The following CNTN6 variants were observed in gnomAD, a reference collection of about 807,000 sequenced individuals.
The protein encoded by CNTN6 is contactin 6, also known as contactin-6.
In CNTN6, 137 loss-of-function variants were observed where a neutral mutation model predicts 122.8. The ratio of observed to expected loss-of-function variants is 1.12; its 90% CI spans 0.97 to 1.29. CNTN6 has a LOEUF of 1.29. CNTN6 is among the 50% of genes most tolerant of loss of function. CNTN6 has a pLI of 0.00. For synonymous variants in CNTN6, 570 were observed against 426.0 expected, an observed-to-expected ratio of 1.34 and a Z score of -4.16; for missense variants, 1,634 against 1,223.4, an observed-to-expected ratio of 1.34 and a Z score of -5.01.
chr3:1,243,502 T>G lies in CNTN6; in HGVS notation c.358+15509T>G, dbSNP rs1246559303. On this transcript the variant is annotated intron_variant, in intron 4 of 22. Transcript: ENST00000446702. Reference sequence around the variant, plus strand: ...GTTTTATTTAATGTCGGGAGCAGATTGCGTAATAAAATGTATTTTGAGAAT... The same window carrying G: ...GTTTTATTTAATGTCGGGAGCAGATGGCGTAATAAAATGTATTTTGAGAAT... 2.6e-5 allele frequency among the ~76,000 whole-genome samples: 4 copies of G among 152,108 alleles called. No homozygotes were observed. The East Asian group carries it at 7.8e-4, about 29-fold the overall frequency.
chr3:1,168,645 G>T lies in CNTN6; in HGVS notation c.55+20582G>T, dbSNP rs139555907. Among the ~76,000 whole-genome samples, 151 of 151,978 alleles carry T rather than the reference G, an allele frequency of 9.9e-4. 1 individual carries two copies. The highest frequency in any genetic ancestry group is 3.4e-3 in the African/African-American group (141 of 41,430). On this transcript the variant is annotated intron_variant, in intron 2 of 22. Coordinates refer to ENST00000446702, the MANE Select transcript of CNTN6 (RefSeq NM_001289080.2). ...TTTTAACCTCATTTTACAGATCCCAGGTCTGGGATAAATATCAGTTAAGCC... is the reference window on the plus strand; with the variant it reads ...TTTTAACCTCATTTTACAGATCCCATGTCTGGGATAAATATCAGTTAAGCC...
At chr3:1,278,289 T>G (rs533343212) in intron 4 of CNTN6, 124 bp from the exon 5 acceptor site, 3 of 615,136 alleles carry the variant, frequency 4.9e-6, no homozygotes, top group Non-Finnish European at 8.3e-6. Context: ...GTCAACTAAG[T>G]CTTCTGGTCA....
At chr3:1,302,039 G>A (rs1485571447) in intron 7 of CNTN6, among the ~76,000 whole-genome samples, 1 of 151,968 alleles carries the variant, frequency 6.6e-6, no homozygotes, top group Non-Finnish European at 1.5e-5. Context: ...AGCATAAAAG[G>A]CGACACACTC....
chr3:1,151,969 A>C lies in CNTN6; in HGVS notation c.55+3906A>C, dbSNP rs376812580. On this transcript the variant is annotated intron_variant, in intron 2 of 22. Coordinates refer to ENST00000446702, the MANE Select transcript of CNTN6 (RefSeq NM_001289080.2). ...TTATTCTCAGCCCTGAGTTACTGAA[A>C]AATCTACATTTCTTAAAGTAGAAAA... 9.8e-4 allele frequency among the ~76,000 whole-genome samples: 149 copies of C among 152,320 alleles called. 2 individuals are homozygous for C. In the South Asian group the frequency reaches 0.03, roughly 31 times the overall value.
At chr3:1,164,881 CA>C (rs1324793075) in intron 2 of CNTN6, among the ~76,000 whole-genome samples, 5 of 152,146 alleles carry the variant, frequency 3.3e-5, no homozygotes, top group Admixed American at 6.5e-5. Context: ...ATTAAGGACT[CA>C]AGGTACATTA....
At chr3:1,236,986 T>C (rs4063469) in intron 4 of CNTN6, among the ~76,000 whole-genome samples, 93,486 of 151,462 alleles carry the variant, frequency 0.62, 29,880 homozygotes, top group African/African-American at 0.79. Flanking sequence ...AAGGCTGAGG[T>C]AGGAGAATGG....
intron 2 of CNTN6, among the ~76,000 whole-genome samples, chr3:1,172,075 G>A (rs1199958872): frequency 6.6e-6 from 1 of 152,086 alleles, no homozygotes; most frequent in African/African-American, 2.4e-5. Flanking sequence ...ATCTCCTCAT[G>A]GAGGTGACAG....
At chr3:1,175,364 A>G (rs1289356563) in intron 2 of CNTN6, among the ~76,000 whole-genome samples, 1 of 152,198 alleles carries the variant, frequency 6.6e-6, no homozygotes, top group Non-Finnish European at 1.5e-5. Context: ...CAATGATTAG[A>G]TACAGTGGAG....
chr3:1,152,147 TTTG>T (rs2092858960), intron 2 of CNTN6, among the ~76,000 whole-genome samples: 1 of 152,040 alleles, frequency 6.6e-6, no homozygotes, highest in Non-Finnish European at 1.5e-5. Flanking sequence ...TGTTTGTTTG[TTTG>T]TTTTTTGAGA....
intron 11 of CNTN6, among the ~76,000 whole-genome samples, chr3:1,344,740 A>G (rs187059923): frequency 1.3e-5 from 2 of 152,314 alleles, no homozygotes; most frequent in African/African-American, 4.8e-5. Context: ...CCAAAGTCAG[A>G]CAAAATAAAA....
At chr3:1,305,673 T>C (rs555568361) in intron 7 of CNTN6, among the ~76,000 whole-genome samples, 1 of 151,112 alleles carries the variant, frequency 6.6e-6, no homozygotes, top group Non-Finnish European at 1.5e-5. Flanking sequence ...TTCCTTTTTT[T>C]AAAAAAATCT....
intron 12 of CNTN6, among the ~76,000 whole-genome samples, chr3:1,371,338 T>C (rs1575913345): frequency 6.6e-6 from 1 of 151,816 alleles, no homozygotes; most frequent in East Asian, 1.9e-4. Flanking sequence ...AACTTCTTCA[T>C]GTATAATTTT....
chr3:1,102,542 A>G (rs2090964526), intron 1 of CNTN6, among the ~76,000 whole-genome samples: 1 of 151,010 alleles, frequency 6.6e-6, no homozygotes, highest in African/African-American at 2.4e-5. Context: ...CATCCTGGCT[A>G]ACACGGTGAA....
intron 1 of CNTN6, among the ~76,000 whole-genome samples, chr3:1,099,295 C>CA (rs370828754): frequency 1.3e-5 from 2 of 151,606 alleles, no homozygotes; most frequent in Non-Finnish European, 2.9e-5. Context: ...ACCAAAAATA[C>CA]AAAAAATTAG....
At chr3:1,119,854 C>G (rs1376690605) in intron 1 of CNTN6, among the ~76,000 whole-genome samples, 1 of 152,028 alleles carries the variant, frequency 6.6e-6, no homozygotes. Flanking sequence ...TTATATCACC[C>G]AAGAAAGTAC....
At chr3:1,389,495 C>T (rs569903779) in intron 20 of CNTN6, among the ~76,000 whole-genome samples, 21 of 152,226 alleles carry the variant, frequency 1.4e-4, no homozygotes, top group African/African-American at 4.6e-4. Flanking sequence ...TAGGAAGAAA[C>T]TGCATCAACT....
At chr3:1,099,759 G>C (rs1021848420) in intron 1 of CNTN6, among the ~76,000 whole-genome samples, 1 of 152,022 alleles carries the variant, frequency 6.6e-6, no homozygotes, top group African/African-American at 2.4e-5. Flanking sequence ...GATGAAGTTG[G>C]ACTTATTTCT....
chr3:1,372,476 T>A lies in CNTN6; in HGVS notation c.1668+2T>A. The stretch of plus-strand genomic sequence containing the variant: ...GCTCATTTTGAAAGGATTGGAGGAG[T>A]AAGTTACTGAAATTGTTAAGTGCTT... On this transcript the variant is annotated splice_donor_variant, in intron 13 of 22. Coordinates refer to ENST00000446702, the MANE Select transcript of CNTN6 (RefSeq NM_001289080.2). LOFTEE classifies it high-confidence loss of function. 6.3e-7 allele frequency: 1 copy of A among 1,594,810 alleles called. No homozygotes were observed. Among genetic ancestry groups the A allele is most frequent in the South Asian group, 1.1e-5 (1 of 87,776 alleles).
At chr3:1,160,365 T>TATATATATATATATATATATATATACAC (rs1486849078) in intron 2 of CNTN6, among the ~76,000 whole-genome samples, 1 of 133,458 alleles carries the variant, frequency 7.5e-6, no homozygotes, top group African/African-American at 2.9e-5. Flanking sequence ...TATATATATA[T>TATATATATATATATATATATATATACAC]ATACACACTA....
Sources: gnomAD v4.1 joint callset for allele counts (sites outside exome capture counted in the v4.1 genomes callset) on GRCh38, gnomAD v4.1.1 for gene constraint, MANE v1.5 for transcripts, NCBI Gene and HGNC (gene_info 2026-07-23, HGNC 2026-07-21) for gene names.